PHRF1: variants seen among roughly 807,000 people sequenced by gnomAD.
The protein encoded by PHRF1 is PHD and RING finger domain-containing protein 1.
Under a neutral mutation model 128.9 loss-of-function variants are expected in PHRF1, and 53 were observed. The observed-to-expected ratio is 0.41, with a 90% CI of 0.33 to 0.52. PHRF1 has a LOEUF of 0.52. Ranked by LOEUF, PHRF1 falls within the 20% of genes least tolerant of loss-of-function variation. The probability of loss-of-function intolerance (pLI) is 0.21; values close to 1 mark genes in which losing one functional copy is unlikely to be tolerated. For missense variants in PHRF1, 2,503 were observed against 2,284.5 expected, an observed-to-expected ratio of 1.10 and a Z score of -1.95; for synonymous variants, 1,178 against 980.6, an observed-to-expected ratio of 1.20 and a Z score of -3.76.
intron 2 of PHRF1, among the ~76,000 whole-genome samples, 173 bp from the exon 3 acceptor site, chr11:581,789 T>G (rs1209466343): frequency 1.3e-5 from 2 of 152,278 alleles, no homozygotes; most frequent in Non-Finnish European, 2.9e-5. Context: ...ACACAAATGT[T>G]GAACGAAAGG....
At chr11:590,562 G>T (rs1344158156) in intron 4 of PHRF1, among the ~76,000 whole-genome samples, 1 of 152,180 alleles carries the variant, frequency 6.6e-6, no homozygotes, top group African/African-American at 2.4e-5. Context: ...AGAGCCGATT[G>T]AATTATTCAG....
In PHRF1 at chr11:597,142, G is replaced by A. The variant is rs1376114814; in HGVS notation, c.718+122G>A. On this transcript the variant is annotated intron_variant, in intron 7 of 17. Transcript: ENST00000264555. This position sits in a 1 kb window ranked among gnomAD's most constrained non-coding sequence, Gnocchi z 6.5. ...ATCTAGGGCTGTCTCATGGGGGTTA[G>A]GGTTGGCTGCGGTGTCGGGAGGACA... 3 of 1,129,032 alleles carry A rather than the reference G, an allele frequency of 2.7e-6. No individual in the cohort carries two copies. Among genetic ancestry groups the A allele is most frequent in the Non-Finnish European group, 2.5e-6 (2 of 788,778 alleles). The allele number at this position is 1,129,032 out of a possible 1,614,324, so 69.9% of individuals were successfully genotyped here.
intron 13 of PHRF1, 51 bp from the exon 14 acceptor site, chr11:607,015 T>A (rs1855988048): frequency 6.6e-7 from 1 of 1,521,514 alleles, no homozygotes. Flanking sequence ...ACCACTGACA[T>A]TTAAGAAGAG....
chr11:605,802 A>G, intron 12 of PHRF1, 78 bp downstream of exon 12: 3 of 1,497,992 alleles, frequency 2.0e-6, no homozygotes, highest in Non-Finnish European at 2.6e-6. Context: ...TGGGGCCGTG[A>G]TAGCCTGGCT....
chr11:584,395 C>T (rs73401019), intron 3 of PHRF1, among the ~76,000 whole-genome samples: 2 of 152,148 alleles, frequency 1.3e-5, no homozygotes, highest in Non-Finnish European at 2.9e-5. Context: ...GGGCCCCCAC[C>T]GTGTCTGCGC....
At chr11:587,153 G>A in intron 3 of PHRF1, 106 bp from the exon 4 acceptor site, 1 of 1,039,730 alleles carries the variant, frequency 9.6e-7, no homozygotes, top group Non-Finnish European at 1.4e-6. Context: ...GGTGGGCTGT[G>A]CATTGCCGAC....
chr11:584,718 T>A (rs1045143269), intron 3 of PHRF1, among the ~76,000 whole-genome samples: 3 of 151,100 alleles, frequency 2.0e-5, no homozygotes, highest in Admixed American at 1.3e-4. Flanking sequence ...TTCTTTTTAT[T>A]TCTCCAGGAC....
At chr11:602,418 C>T (rs1487986729) in intron 10 of PHRF1, among the ~76,000 whole-genome samples, 1 of 152,124 alleles carries the variant, frequency 6.6e-6, no homozygotes, top group Non-Finnish European at 1.5e-5. Flanking sequence ...CGGTGGCTCA[C>T]ACCTGTGATC....
chr11:582,057 G>A lies in PHRF1; in HGVS notation c.190G>A (p.Glu64Lys). Residue 64 changes from glutamate to lysine, a missense_variant, in exon 3 of 18, where the codon GAG (glutamate) becomes AAG (lysine). Coordinates refer to ENST00000264555, the MANE Select transcript of PHRF1 (RefSeq NM_001286581.2). ...TDGEDEGASE[E>K]EDLEDRSGSE... ...CGGAGAAGACGAGGGGGCGTCTGAG[G>A]AGGAAGACCTGGAAGACAGATCTGG... The A allele has an allele frequency of 1.2e-6, 2 of 1,601,966 alleles. No homozygotes were observed. The highest frequency in any genetic ancestry group is 1.1e-5 in the South Asian group (1 of 88,564).
At chr11:584,767 C>A (rs184912249) in intron 3 of PHRF1, among the ~76,000 whole-genome samples, 1,874 of 104,338 alleles carry the variant, frequency 0.018, 27 homozygotes, top group Admixed American at 0.047. Flanking sequence ...GACCGAGTTT[C>A]ACTCTTGTTG....
chr11:591,543 A>G (rs1012928367), intron 5 of PHRF1, 76 bp downstream of exon 5: 6 of 1,249,880 alleles, frequency 4.8e-6, no homozygotes, highest in Admixed American at 3.2e-5. Flanking sequence ...TGCTTTCCAA[A>G]GTGGGCTTGC....
At chr11:595,342 A>G (rs1437880520) in intron 6 of PHRF1, among the ~76,000 whole-genome samples, 1 of 152,212 alleles carries the variant, frequency 6.6e-6, no homozygotes, top group Non-Finnish European at 1.5e-5. Context: ...AGATACACTG[A>G]CATTACATGA....
At chr11:605,331 C>T (rs1855879476) in intron 11 of PHRF1, 31 bp downstream of exon 11, 2 of 1,604,100 alleles carry the variant, frequency 1.2e-6, no homozygotes, top group African/African-American at 1.3e-5. Context: ...CCTGCCTGGG[C>T]ACCCGCTCCT....
At position 601,584 on chromosome 11, in the gene PHRF1, G is replaced by T. The variant is rs781347666; in HGVS notation, c.1035G>T (p.Lys345Asn). The change falls in exon 10 of 18, where the codon AAG (lysine) becomes AAT (asparagine). Residue 345 changes from lysine (K) to asparagine (N), a missense_variant. Lys to Asn is a moderately conservative substitution (Grantham distance 94). Coordinates refer to ENST00000264555, the MANE Select transcript of PHRF1 (RefSeq NM_001286581.2). ...ACCTCTTTTCCTTAGGAAGACGGAAGAAAGTGCCGGGAAGAAAGAAAACCC... is the reference window on the plus strand; with the variant it reads ...ACCTCTTTTCCTTAGGAAGACGGAATAAAGTGCCGGGAAGAAAGAAAACCC... ...ARRKRKTRRR[K>N]KVPGRKKTPS... 6.2e-7 allele frequency: 1 copy of T among 1,613,652 alleles called. No individual in the cohort carries two copies. Among genetic ancestry groups the T allele is most frequent in the Non-Finnish European group, 8.5e-7 (1 of 1,179,898 alleles).
In PHRF1 at chr11:598,414, C is replaced by A; in HGVS notation, c.936C>A (p.Ala312=). 1.2e-6 allele frequency: 2 copies of A among 1,611,260 alleles called. No homozygotes were observed. Among genetic ancestry groups the A allele is most frequent in the Non-Finnish European group, 1.7e-6 (2 of 1,179,822 alleles). Residue 312 remains alanine, a synonymous_variant, in exon 9 of 18, where the codon GCC becomes GCA. Coordinates refer to ENST00000264555, the MANE Select transcript of PHRF1 (RefSeq NM_001286581.2). ...TCGGGTCTTCCCTGCTGGATGAAGC[C>A]ATCGAGGCTGTGGCGACTGGCCTGA... ...GRLGSSLLDE[A]IEAVATGLST...
At position 605,165 on chromosome 11, in the gene PHRF1, G is replaced by T. The variant is rs755899261; in HGVS notation, c.1199G>T (p.Arg400Leu). The stretch of plus-strand genomic sequence containing the variant: ...CGAATCGCGCGGACGCTGGGCCTGC[G>T]CAGGCCTGTTCACAGCAGCTGCATC... ...RSRIARTLGL[R>L]RPVHSSCIPS... The change falls in exon 11 of 18, where the codon CGC becomes CTC. Residue 400 changes from arginine to leucine, a missense_variant. Coordinates refer to ENST00000264555, the MANE Select transcript of PHRF1 (RefSeq NM_001286581.2). 10 of 1,613,534 alleles carry T rather than the reference G, an allele frequency of 6.2e-6. No individual in the cohort carries two copies. Among genetic ancestry groups the T allele is most frequent in the Non-Finnish European group, 7.6e-6 (9 of 1,179,848 alleles).
intron 6 of PHRF1, among the ~76,000 whole-genome samples, chr11:595,719 G>T (rs1004264922): frequency 1.3e-5 from 2 of 152,246 alleles, no homozygotes; most frequent in Non-Finnish European, 2.9e-5. Context: ...CAGGTGAGCC[G>T]CAGCCTCCTC....
At chr11:598,289 C>CTGTGTTCTGGGCTCCATT in intron 8 of PHRF1, 84 bp from the exon 9 acceptor site, 1 of 1,484,468 alleles carries the variant, frequency 6.7e-7, no homozygotes, top group South Asian at 1.3e-5. Context: ...CCATTGTGGG[C>CTGTGTTCTGGGCTCCATT]TGTGTTCTGG....
At chr11:580,469 T>A (rs1324792988) in intron 1 of PHRF1, among the ~76,000 whole-genome samples, 1 of 152,122 alleles carries the variant, frequency 6.6e-6, no homozygotes, top group Non-Finnish European at 1.5e-5. Flanking sequence ...GCCTTCTGCC[T>A]CCTCAGCTCT....
Sources: allele counts gnomAD v4.1 joint callset (sites outside exome capture counted in the v4.1 genomes callset), GRCh38; gene constraint gnomAD v4.1.1; non-coding constraint Gnocchi (gnomAD v3.1); transcripts MANE v1.5; gene names NCBI Gene and HGNC (gene_info 2026-07-23, HGNC 2026-07-21).